Variants in CADM2 observed in about 807,000 individuals in gnomAD.
CADM2 encodes immunoglobulin superfamily member 4D.
In CADM2, 12 loss-of-function variants were observed where a neutral mutation model predicts 49.8. The ratio of observed to expected loss-of-function variants is 0.24; its 90% CI spans 0.15 to 0.39. The LOEUF (loss-of-function observed/expected upper bound fraction) is 0.39, where lower values mean the gene tolerates loss of function less well. Among genes scored for constraint, CADM2 ranks in the 10% least tolerant of loss-of-function variants. The pLI, the probability that CADM2 is intolerant of heterozygous loss-of-function variation, is 1.00. For missense variants in CADM2, 378 were observed against 492.3 expected (o/e 0.77, Z 2.20); for synonymous variants, 214 against 175.4 (o/e 1.22, Z -1.74).
chr3:86,047,415 G>T (rs1260562382), intron 8 of CADM2, among the ~76,000 whole-genome samples: 1 of 152,098 alleles, frequency 6.6e-6, no homozygotes, highest in African/African-American at 2.4e-5. Flanking sequence ...AATACACATG[G>T]TAATTACACT....
chr3:85,749,477 A>C (rs2107853553), intron 2 of CADM2, among the ~76,000 whole-genome samples: 1 of 152,130 alleles, frequency 6.6e-6, no homozygotes, highest in Middle Eastern at 3.4e-3. Context: ...AATGAAGTAC[A>C]AATCAATTTT....
At chr3:85,514,839 G>A (rs2060855552) in intron 1 of CADM2, among the ~76,000 whole-genome samples, 1 of 152,016 alleles carries the variant, frequency 6.6e-6, no homozygotes, top group Admixed American at 6.6e-5. Flanking sequence ...GGTAAGCAAT[G>A]ATTTTACTTT....
chr3:85,266,872 C>T (rs534218738), intron 1 of CADM2, among the ~76,000 whole-genome samples: 1 of 151,858 alleles, frequency 6.6e-6, no homozygotes, highest in South Asian at 2.1e-4. Context: ...ATGAAAACAT[C>T]CATTTAAAAA....
chr3:85,752,359 T>C (rs931926583), intron 2 of CADM2, among the ~76,000 whole-genome samples: 7 of 151,918 alleles, frequency 4.6e-5, no homozygotes, highest in Admixed American at 3.3e-4. Context: ...CAGGGGTGTG[T>C]GGTGTAGATC....
intron 3 of CADM2, among the ~76,000 whole-genome samples, chr3:85,871,265 C>T (rs1213182566): frequency 1.3e-5 from 2 of 152,100 alleles, no homozygotes; most frequent in African/African-American, 4.8e-5. Context: ...ATGGCCAAAA[C>T]ATATATTGAA....
chr3:85,227,321 A>G (rs989631918), intron 1 of CADM2, among the ~76,000 whole-genome samples: 17 of 152,078 alleles, frequency 1.1e-4, no homozygotes, highest in African/African-American at 3.6e-4. Flanking sequence ...TATAGGGTGC[A>G]TATATATTTG....
At chr3:85,458,401 C>T (rs1012523824) in intron 1 of CADM2, among the ~76,000 whole-genome samples, 3 of 152,120 alleles carry the variant, frequency 2.0e-5, no homozygotes, top group African/African-American at 7.2e-5. Flanking sequence ...CAACAATAAG[C>T]CTTGGTTCAG....
At chr3:85,611,228 T>C (rs1255213741) in intron 1 of CADM2, among the ~76,000 whole-genome samples, 1 of 146,606 alleles carries the variant, frequency 6.8e-6, no homozygotes, top group Non-Finnish European at 1.5e-5. Flanking sequence ...TGTTTAATCA[T>C]TAGTCATGTA....
intron 1 of CADM2, among the ~76,000 whole-genome samples, chr3:85,036,643 A>G (rs2035224213): frequency 6.6e-6 from 1 of 152,182 alleles, no homozygotes; most frequent in Non-Finnish European, 1.5e-5. Context: ...TCAAGCTAGA[A>G]GTAACTCTAT....
chr3:85,806,341 A>G (rs559575575), intron 3 of CADM2, among the ~76,000 whole-genome samples: 4 of 152,284 alleles, frequency 2.6e-5, no homozygotes, highest in East Asian at 3.9e-4. Context: ...CTGCCTCACA[A>G]CCATTACTAC....
chr3:85,744,451 T>C (rs1023122744), intron 2 of CADM2, among the ~76,000 whole-genome samples: 4 of 152,088 alleles, frequency 2.6e-5, no homozygotes, highest in African/African-American at 9.7e-5. Flanking sequence ...ATTGTGTATC[T>C]GTATCAAAAT....
chr3:85,063,928 T>C (rs1474023703), intron 1 of CADM2, among the ~76,000 whole-genome samples: 1 of 152,094 alleles, frequency 6.6e-6, no homozygotes, highest in South Asian at 2.1e-4. Flanking sequence ...GCCACAAATA[T>C]ATTTAGTAAT....
intron 1 of CADM2, among the ~76,000 whole-genome samples, chr3:85,217,467 A>G (rs1319483908): frequency 6.6e-6 from 1 of 152,064 alleles, no homozygotes; most frequent in East Asian, 1.9e-4. Context: ...TTAGACCTAC[A>G]AACAATTTTA....
chr3:85,341,463 CAA>C (rs2045237823), intron 1 of CADM2, among the ~76,000 whole-genome samples: 1 of 151,756 alleles, frequency 6.6e-6, no homozygotes, highest in African/African-American at 2.4e-5. Flanking sequence ...AAGCTTCTGG[CAA>C]AGAGCTTGGA....
At chr3:85,433,704 T>C (rs1362230003) in intron 1 of CADM2, among the ~76,000 whole-genome samples, 1 of 152,112 alleles carries the variant, frequency 6.6e-6, no homozygotes, top group African/African-American at 2.4e-5. Context: ...AATTATAGGT[T>C]GTATAGAAAT....
chr3:85,368,277 T>C (rs1018141372), intron 1 of CADM2, among the ~76,000 whole-genome samples: 1 of 152,056 alleles, frequency 6.6e-6, no homozygotes, highest in African/African-American at 2.4e-5. Context: ...GATGATCTAA[T>C]TTTATCTTCA....
At chr3:86,008,719 A>G (rs77742659) in intron 8 of CADM2, among the ~76,000 whole-genome samples, 1 of 152,148 alleles carries the variant, frequency 6.6e-6, no homozygotes, top group African/African-American at 2.4e-5. Context: ...CTAGTTCAAA[A>G]ACTATTTGGT....
chr3:85,910,054 A>G (rs1411444636), intron 5 of CADM2, among the ~76,000 whole-genome samples: 1 of 152,200 alleles, frequency 6.6e-6, no homozygotes, highest in South Asian at 2.1e-4. Context: ...GAATTAGTTC[A>G]TTAAAATTTT....
Position 85,642,224 on chromosome 3 carries a change from C to T in CADM2, c.62-84298C>T, listed in dbSNP as rs147455721. 2.6e-3 allele frequency among the ~76,000 whole-genome samples: 398 copies of T among 152,146 alleles called. 4 individuals carry two copies. The highest frequency in any genetic ancestry group is 9.2e-3 in the African/African-American group (382 of 41,522). On this transcript the variant is annotated intron_variant, in intron 1 of 9. Transcript: ENST00000383699. ...CAGTTTTGAGTAAACTAGTTATAGTCAGCAGGGAATTCATTCAGAAGATAG... is the reference window on the plus strand; with the variant it reads ...CAGTTTTGAGTAAACTAGTTATAGTTAGCAGGGAATTCATTCAGAAGATAG...
Sources: allele counts gnomAD v4.1 joint callset (sites outside exome capture counted in the v4.1 genomes callset), GRCh38; gene constraint gnomAD v4.1.1; transcripts MANE v1.5; gene names NCBI Gene and HGNC (gene_info 2026-07-23, HGNC 2026-07-21).